ADCY3: variants seen among roughly 807,000 people sequenced by gnomAD.
ADCY3 encodes adenylate cyclase type 3.
Under a neutral mutation model 119.4 loss-of-function variants are expected in ADCY3, and 70 were observed. The ratio of observed to expected loss-of-function variants is 0.59; its 90% CI spans 0.48 to 0.72. The LOEUF (loss-of-function observed/expected upper bound fraction) is 0.72. Ranked by LOEUF, ADCY3 falls within the 30% of genes least tolerant of loss-of-function variation. ADCY3 has a pLI of 0.00. For synonymous variants in ADCY3, 672 were observed against 621.4 expected, an observed-to-expected ratio of 1.08 and a Z score of -1.21; for missense variants, 1,238 against 1,541.6, an observed-to-expected ratio of 0.80 and a Z score of 3.30.
chr2:24,895,382 T>C (rs924107622), intron 2 of ADCY3, among the ~76,000 whole-genome samples: 3 of 152,256 alleles, frequency 2.0e-5, no homozygotes, highest in Admixed American at 6.5e-5. Context: ...CCACCACGCC[T>C]GACCAATTCT....
Position 24,918,204 on chromosome 2 carries a change from C to A in ADCY3, c.675+109G>T. On this transcript the variant is annotated intron_variant, in intron 2 of 21. Transcript: ENST00000679454. This position sits in a 1 kb window ranked among gnomAD's most constrained non-coding sequence, Gnocchi z 5.4. ...AGAGAGGTGAGAGCCCCGGAGGCCC[C>A]CAGGACACATTTTGACTCAAAGGCA... 7.8e-7 allele frequency: 1 copy of A among 1,285,176 alleles called. No homozygotes were observed. The highest frequency in any genetic ancestry group is 1.1e-6 in the Non-Finnish European group (1 of 935,232). The allele number at this position is 1,285,176 out of a possible 1,614,324, so 79.6% of individuals were successfully genotyped here. A position where few individuals can be genotyped will look rare whatever the true frequency, so the allele number is the denominator to read the frequency against.
At chr2:24,882,285 AT>A (rs1425465043) in intron 2 of ADCY3, among the ~76,000 whole-genome samples, 16 of 152,180 alleles carry the variant, frequency 1.1e-4, no homozygotes, top group African/African-American at 3.6e-4. Flanking sequence ...GACAGCTCAA[AT>A]GTAGCATCTT....
chr2:24,823,317 C>G lies in ADCY3; in HGVS notation c.2775G>C (p.Met925Ile). The G allele has an allele frequency of 6.2e-7, 1 of 1,613,884 alleles. No individual in the cohort carries two copies. Among genetic ancestry groups the G allele is most frequent in the Non-Finnish European group, 8.5e-7 (1 of 1,179,966 alleles). The change falls in exon 18 of 22, where the codon ATG becomes ATC. Residue 925 changes from methionine to isoleucine, a missense_variant. By Grantham distance (10) the Met-to-Ile change is conservative (BLOSUM62 1). This residue lies in a region of ADCY3 where 499 missense variants were observed against 571.0 expected (regional missense o/e 0.87). Transcript: ENST00000679454. ...YSQTYDEIGV[M>I]FASLPNFADF... ...CAGCAAAGTTGGGCAGGGAGGCAAA[C>G]ATGACTCCAATCTCATCATACGTCT... is the stretch of plus-strand genomic sequence containing the variant.
chr2:24,903,891 C>T (rs1202738834), intron 2 of ADCY3, among the ~76,000 whole-genome samples: 1 of 152,164 alleles, frequency 6.6e-6, no homozygotes, highest in Non-Finnish European at 1.5e-5. Context: ...CATCTAGGGC[C>T]ACAGGGACAT....
Position 24,918,576 on chromosome 2 carries a change from C to T in ADCY3, c.412G>A (p.Val138Met), listed in dbSNP as rs1664744555. 1 of 1,614,174 alleles carries T rather than the reference C, an allele frequency of 6.2e-7. No individual in the cohort carries two copies. Among genetic ancestry groups the T allele is most frequent in the Non-Finnish European group, 8.5e-7 (1 of 1,180,038 alleles). The change falls in exon 2 of 22, where the codon GTG becomes ATG. Residue 138 changes from valine to methionine, a missense_variant. Physicochemically the swap from Val to Met is conservative, Grantham distance 21. Coordinates refer to ENST00000679454, the MANE Select transcript of ADCY3 (RefSeq NM_004036.5). The surrounding 1 kb of genome is among the most constrained non-coding windows in gnomAD (Gnocchi z 5.4). ...AGCAGCCACAGCACGTAGGGCAGCA[C>T]TCTGCGGGTGACCCGGTCCGGGAGC... The part of the protein sequence containing the change: ...GLLPDRVTRR[V>M]LPYVLWLLIT...
chr2:24,898,891 A>T lies in ADCY3; in HGVS notation c.675+19422T>A, dbSNP rs1230310281. On this transcript the variant is annotated intron_variant, in intron 2 of 21. Transcript: ENST00000679454. The surrounding 1 kb of genome is among the most constrained non-coding windows in gnomAD (Gnocchi z 4.3). ...ACTGGAAACCCTTTCACCGCCAGAG[A>T]ACTCCAGCGCGGACGCCAAGCACGA... 6.6e-6 allele frequency among the ~76,000 whole-genome samples: 1 copy of T among 152,128 alleles called. No individual in the cohort carries two copies. The highest frequency in any genetic ancestry group is 1.5e-5 in the Non-Finnish European group (1 of 68,014).
chr2:24,900,291 G>T (rs1678751315), intron 2 of ADCY3, among the ~76,000 whole-genome samples: 1 of 143,834 alleles, frequency 7.0e-6, no homozygotes, highest in Non-Finnish European at 1.5e-5. Flanking sequence ...GTTGCAGTGA[G>T]CTGAGATCAT....
chr2:24,853,067 T>C (rs1002746677), intron 3 of ADCY3, among the ~76,000 whole-genome samples: 23 of 90,318 alleles, frequency 2.5e-4, no homozygotes, highest in Admixed American at 1.6e-3. Context: ...TGTGTGTGTG[T>C]AGGGGTGTTA....
intron 19 of ADCY3, 103 bp downstream of exon 19, chr2:24,822,408 C>A: frequency 1.3e-6 from 2 of 1,498,442 alleles, no homozygotes; most frequent in South Asian, 1.3e-5. Flanking sequence ...GTGTCTGGGA[C>A]CACTTTGCAC....
At chr2:24,868,126 T>A (rs894796593) in intron 3 of ADCY3, among the ~76,000 whole-genome samples, 2 of 152,214 alleles carry the variant, frequency 1.3e-5, no homozygotes, top group African/African-American at 4.8e-5. Context: ...AATTAGAGTA[T>A]GTTCTCTGAC....
At chr2:24,857,991 ATTT>A (rs56672595) in intron 3 of ADCY3, among the ~76,000 whole-genome samples, 45 of 122,384 alleles carry the variant, frequency 3.7e-4, no homozygotes, top group African/African-American at 6.8e-4. Flanking sequence ...TGTGGTCTGA[ATTT>A]TTTTTTTTTT....
intron 3 of ADCY3, among the ~76,000 whole-genome samples, chr2:24,869,695 T>G (rs934318372): frequency 1.3e-5 from 2 of 152,174 alleles, no homozygotes; most frequent in Admixed American, 1.3e-4. Flanking sequence ...CATAGCCACC[T>G]GCCTGGCCAC....
chr2:24,830,949 G>T, intron 12 of ADCY3, 124 bp from the exon 13 acceptor site: 1 of 739,748 alleles, frequency 1.4e-6, no homozygotes, highest in Non-Finnish European at 2.3e-6. Context: ...GACTCTGCCT[G>T]GGAGTCACCT....
At chr2:24,851,771 C>A (rs898299635) in intron 3 of ADCY3, among the ~76,000 whole-genome samples, 4 of 152,200 alleles carry the variant, frequency 2.6e-5, no homozygotes, top group Non-Finnish European at 5.9e-5. Context: ...CCTTCCTCAG[C>A]AAAGGACCTT....
At chr2:24,887,631 C>G (rs7583654) in intron 2 of ADCY3, among the ~76,000 whole-genome samples, 9 of 151,902 alleles carry the variant, frequency 5.9e-5, no homozygotes, top group South Asian at 2.1e-4. Flanking sequence ...CCCACTCCCC[C>G]CCGACACACA....
rs964221113 is a variant in ADCY3 at position 24,826,269 on chromosome 2, C to T, written c.2496-143G>A. The T allele has an allele frequency of 2.6e-5, 17 of 661,768 alleles. No homozygotes were observed. In the Middle Eastern group the frequency reaches 9.2e-4, roughly 36 times the overall value. 41.0% of individuals were successfully genotyped at this position (661,768 alleles called of 1,614,324 possible). On this transcript the variant is annotated intron_variant, in intron 15 of 21. Coordinates refer to ENST00000679454, the MANE Select transcript of ADCY3 (RefSeq NM_004036.5). ...CTCCTTAGGCCCTTTCACATCAAGT[C>T]GGGCTCCCCCGGGCAGTAAAATTTT...
Position 24,823,492 on chromosome 2 carries a change from A to ATTTTTTTT in ADCY3, c.2737-145_2737-138dup, listed in dbSNP as rs5829941. On this transcript the variant is annotated intron_variant, in intron 17 of 21. Transcript: ENST00000679454. ...CACACATCAGTCAGATTATTCCAGC[A>ATTTTTTTT]TTTTTTTTTTTTTTTTTAAGAGTGG... 4.5e-6 allele frequency: 3 copies of ATTTTTTTT among 660,242 alleles called. 1 individual carries two copies. The highest frequency in any genetic ancestry group is 6.8e-6 in the Non-Finnish European group (3 of 439,738). The allele number at this position is 660,242 out of a possible 1,614,324, so 40.9% of individuals were successfully genotyped here.
In ADCY3 at chr2:24,865,411, T is replaced by G. The variant is rs539210900; in HGVS notation, c.825+7159A>C. ...GAGTCGAAATTGTACCACTGCACTCTAGCCTCAGCAACAGAGTGAGACTCT... is the reference window on the plus strand; with the variant it reads ...GAGTCGAAATTGTACCACTGCACTCGAGCCTCAGCAACAGAGTGAGACTCT... On this transcript the variant is annotated intron_variant, in intron 3 of 21. Transcript: ENST00000679454. Among the ~76,000 whole-genome samples the G allele has an allele frequency of 5.9e-5, 9 of 152,074 alleles. No individual in the cohort carries two copies. In the South Asian group the frequency reaches 1.9e-3, roughly 32 times the overall value.
intron 3 of ADCY3, among the ~76,000 whole-genome samples, chr2:24,843,628 C>T (rs1169169206): frequency 6.6e-6 from 1 of 152,226 alleles, no homozygotes; most frequent in Non-Finnish European, 1.5e-5. Context: ...TGGCTCTTGT[C>T]AGAAGAGGTC....
Sources: allele counts gnomAD v4.1 joint callset (sites outside exome capture counted in the v4.1 genomes callset), GRCh38; gene constraint gnomAD v4.1.1; regional missense constraint gnomAD v4.1.1; non-coding constraint Gnocchi (gnomAD v3.1); transcripts MANE v1.5; gene names NCBI Gene and HGNC (gene_info 2026-07-23, HGNC 2026-07-21).